The following EHMT1 variants were observed in gnomAD, a reference collection of about 807,000 sequenced individuals.
EHMT1 encodes the protein euchromatic histone lysine methyltransferase 1.
A neutral mutation model predicts 147.2 loss-of-function variants in EHMT1; 15 were observed. The ratio of observed to expected loss-of-function variants is 0.10; its 90% CI spans 0.07 to 0.16. The LOEUF is 0.16. EHMT1 is among the 10% of genes least tolerant of loss of function. The pLI, the probability that EHMT1 is intolerant of heterozygous loss-of-function variation, is 1.00. For synonymous variants in EHMT1, 795 were observed against 709.6 expected (o/e 1.12, Z -1.91); for missense variants, 1,587 against 1,772.4 (o/e 0.90, Z 1.88).
In EHMT1 at chr9:137,835,046, G is replaced by A. The variant is rs1956505561; in HGVS notation, c.*93G>A. On this transcript the variant is annotated 3_prime_UTR_variant, in exon 27 of 27. Coordinates refer to ENST00000460843, the MANE Select transcript of EHMT1 (RefSeq NM_024757.5). ...GAGAGATTCCGCACGCAACCGAAAG[G>A]GTCCTTCGGGGCTGCGCCGCCGGCT... 3 of 1,301,784 alleles carry A rather than the reference G, an allele frequency of 2.3e-6. No individual in the cohort carries two copies. Among genetic ancestry groups the A allele is most frequent in the East Asian group, 3.3e-5 (1 of 30,390 alleles). The allele number at this position is 1,301,784 out of a possible 1,614,324, so 80.6% of individuals were successfully genotyped here. A position where few individuals can be genotyped will look rare whatever the true frequency, so the allele number is the denominator to read the frequency against.
chr9:137,635,146 A>C (rs1843913777), intron 1 of EHMT1, among the ~76,000 whole-genome samples: 1 of 151,826 alleles, frequency 6.6e-6, no homozygotes, highest in Non-Finnish European at 1.5e-5. Context: ...CTTAATAGCA[A>C]GTCTTCCAAT....
At chr9:137,827,885 A>T (rs1171779578) in intron 25 of EHMT1, among the ~76,000 whole-genome samples, 1 of 152,200 alleles carries the variant, frequency 6.6e-6, no homozygotes, top group Non-Finnish European at 1.5e-5. Flanking sequence ...AAACCTTGGA[A>T]GAGCAGCACA....
intron 2 of EHMT1, among the ~76,000 whole-genome samples, chr9:137,715,008 CT>C (rs569709965): frequency 5.5e-4 from 84 of 152,092 alleles, no homozygotes; most frequent in East Asian, 9.7e-4. Flanking sequence ...GTGAATGATA[CT>C]TTTTTTTCTT....
intron 14 of EHMT1, among the ~76,000 whole-genome samples, chr9:137,780,279 T>C (rs1405251878): frequency 7.3e-6 from 1 of 137,648 alleles, no homozygotes. Flanking sequence ...GTGATGATGC[T>C]GGGATGTGTG....
chr9:137,753,910 A>G (rs2136214971), intron 7 of EHMT1, among the ~76,000 whole-genome samples: 1 of 152,210 alleles, frequency 6.6e-6, no homozygotes, highest in East Asian at 1.9e-4. Flanking sequence ...TTTATGCCAA[A>G]CTCAAATAAG....
intron 1 of EHMT1, chr9:137,641,087 A>G (rs1056019514): frequency 7.4e-6 from 2 of 268,674 alleles, no homozygotes; most frequent in Admixed American, 9.4e-5. Context: ...TTTATCATCC[A>G]TATTGGGAAC....
chr9:137,832,462 C>T (rs1012770883), intron 25 of EHMT1, among the ~76,000 whole-genome samples: 1 of 150,722 alleles, frequency 6.6e-6, no homozygotes, highest in East Asian at 2.0e-4. Context: ...CTCCCTCAGG[C>T]CCCGCCTCCC....
intron 4 of EHMT1, chr9:137,743,118 G>A (rs758877153): frequency 1.1e-5 from 5 of 466,162 alleles, no homozygotes; most frequent in African/African-American, 2.0e-5. Flanking sequence ...GATAATGTTT[G>A]CTCCGTGTTT....
At chr9:137,754,669 T>C (rs556835520) in intron 8 of EHMT1, among the ~76,000 whole-genome samples, 159 of 152,260 alleles carry the variant, frequency 1.0e-3, no homozygotes, top group African/African-American at 3.8e-3. Context: ...TGTGCCATCA[T>C]GCCCAGCTTA....
At chr9:137,689,334 A>G (rs1051415621) in intron 1 of EHMT1, among the ~76,000 whole-genome samples, 5 of 152,052 alleles carry the variant, frequency 3.3e-5, no homozygotes, top group Admixed American at 6.6e-5. Context: ...GCTGTGTGCT[A>G]TTGTTTTTGT....
chr9:137,687,424 GGAGTTGAGGTA>G (rs1256321396), intron 1 of EHMT1, among the ~76,000 whole-genome samples: 6 of 152,308 alleles, frequency 3.9e-5, no homozygotes, highest in African/African-American at 7.2e-5. Flanking sequence ...TTTAGGTGGA[GGAGTTGAGGTA>G]GAGTTGAGGT....
At chr9:137,757,234 C>T (rs1305497289) in intron 8 of EHMT1, among the ~76,000 whole-genome samples, 3 of 152,222 alleles carry the variant, frequency 2.0e-5, no homozygotes, top group Non-Finnish European at 4.4e-5. Flanking sequence ...GTGTTTGCAC[C>T]CCCCACTGCC....
chr9:137,764,325 A>G (rs533527738), intron 10 of EHMT1: 3 of 152,350 alleles, frequency 2.0e-5, no homozygotes, highest in East Asian at 1.9e-4. Context: ...CGGGCTCCCT[A>G]TGTGACGGCT....
At chr9:137,666,922 G>T (rs1939726092) in intron 1 of EHMT1, 1 of 152,210 alleles carries the variant, frequency 6.6e-6, no homozygotes, top group African/African-American at 2.4e-5. Flanking sequence ...GTAAATAACA[G>T]GATTAGAGCA....
At chr9:137,723,511 C>T (rs112525506) in intron 3 of EHMT1, among the ~76,000 whole-genome samples, 4 of 144,206 alleles carry the variant, frequency 2.8e-5, no homozygotes, top group Admixed American at 6.9e-5. Context: ...GGGCCTGAGC[C>T]CGGGGTGTGT....
intron 17 of EHMT1, among the ~76,000 whole-genome samples, chr9:137,799,855 C>T (rs1408885680): frequency 2.0e-5 from 3 of 152,252 alleles, no homozygotes; most frequent in Admixed American, 1.3e-4. Context: ...GGAGCCCCGC[C>T]TGGTCCCTGC....
intron 10 of EHMT1, chr9:137,763,101 G>A (rs549974321): frequency 6.6e-6 from 4 of 603,292 alleles, no homozygotes; most frequent in South Asian, 6.0e-5. Context: ...GTTTTGTCAA[G>A]GTTTTTCCTA....
rs184216290 is a variant in EHMT1, at chr9:137,624,088, C to T, written c.21+5039C>T. Among the ~76,000 whole-genome samples the T allele has an allele frequency of 1.2e-4, 18 of 150,974 alleles. No individual in the cohort carries two copies. The East Asian group carries it at 3.3e-3, about 28-fold the overall frequency. On this transcript the variant is annotated intron_variant, in intron 1 of 26. Coordinates refer to ENST00000460843, the MANE Select transcript of EHMT1 (RefSeq NM_024757.5). ...CATCTCGGCTTACTGCAACCTCCGT[C>T]TCCTGGGCTCAAGTGGTTCTCCTGG...
chr9:137,824,349 C>G (rs193273764), intron 25 of EHMT1, among the ~76,000 whole-genome samples: 1 of 152,306 alleles, frequency 6.6e-6, no homozygotes, highest in Non-Finnish European at 1.5e-5. Flanking sequence ...ACGTCTGGAC[C>G]ATGTTTTGTT....
Sources: allele counts gnomAD v4.1 joint callset (sites outside exome capture counted in the v4.1 genomes callset), GRCh38; gene constraint gnomAD v4.1.1; transcripts MANE v1.5; gene names NCBI Gene and HGNC (gene_info 2026-07-23, HGNC 2026-07-21).